The following PDZD4 variants were observed in gnomAD, a reference collection of about 807,000 sequenced individuals.
The protein encoded by PDZD4 is PDZ domain-containing protein 4.
PDZD4 carries 9 observed loss-of-function variants against 38.5 expected under a neutral mutation model. The observed-to-expected ratio is 0.23, with a 90% CI of 0.14 to 0.41. PDZD4 has a LOEUF of 0.41. Ranked by LOEUF, PDZD4 falls within the 10% of genes least tolerant of loss-of-function variation. The probability of loss-of-function intolerance (pLI) is 1.00; values close to 1 mark genes in which losing one functional copy is unlikely to be tolerated. For synonymous variants in PDZD4, 349 were observed against 315.7 expected (o/e 1.11, Z -1.12); for missense variants, 612 against 722.0 (o/e 0.85, Z 1.75).
chrX:153,812,157 C>T (rs782626552), intron 1 of PDZD4, among the ~76,000 whole-genome samples: 7 of 109,152 alleles, frequency 6.4e-5, no homozygotes, highest in African/African-American at 1.7e-4. Flanking sequence ...TCAGTGACAT[C>T]GCAGTGGTGG....
intron 1 of PDZD4, among the ~76,000 whole-genome samples, chrX:153,825,941 A>C (rs1475675758): frequency 8.9e-6 from 1 of 112,187 alleles, no homozygotes; most frequent in Non-Finnish European, 1.9e-5. Context: ...AAGGGCCAGG[A>C]ACGGTGGTTT....
chrX:153,830,230 C>T lies in PDZD4; in HGVS notation c.60+9G>A. On this transcript the variant is annotated intron_variant, in intron 1 of 7. Transcript: ENST00000393758. Reference sequence around the variant, plus strand: ...GGCCGCGCCCCCGCCGCAGCGCCGGCGGCCCTACCTGCAGCATCACTTTGT... The same window carrying T: ...GGCCGCGCCCCCGCCGCAGCGCCGGTGGCCCTACCTGCAGCATCACTTTGT... 1 of 1,191,415 alleles carries T rather than the reference C, an allele frequency of 8.4e-7. No individual in the cohort carries two copies. The highest frequency in any genetic ancestry group is 1.8e-5 in the African/African-American group (1 of 55,686).
At chrX:153,808,176 G>A in intron 2 of PDZD4, 166 bp downstream of exon 2, 22 of 1,072,193 alleles carry the variant, frequency 2.1e-5, no homozygotes, top group Non-Finnish European at 2.6e-5. Context: ...GCTGGAGCCC[G>A]GCCCAAGGCT....
rs782302318 is a variant in PDZD4, at chrX:153,806,037, C to T, written c.567+34G>A. ...GGCTGGGCCGACGGGCACAGCGGGG[C>T]CTTGGGCCAGGCCTGCAGCCTGCAA... On this transcript the variant is annotated intron_variant, in intron 5 of 7. Coordinates refer to ENST00000393758, the MANE Select transcript of PDZD4 (RefSeq NM_001303512.2). The T allele has an allele frequency of 2.0e-5, 24 of 1,206,895 alleles. No individual in the cohort carries two copies. The East Asian group carries it at 6.5e-4, about 33-fold the overall frequency.
intron 1 of PDZD4, among the ~76,000 whole-genome samples, chrX:153,812,210 G>A (rs1557078880): frequency 9.4e-6 from 1 of 106,673 alleles, no homozygotes; most frequent in African/African-American, 3.4e-5. Context: ...CAGGGAAATC[G>A]GCAAATGCTC....
rs2092177379 is a variant in PDZD4, at chrX:153,802,338, G to GCC, written c.*1013_*1014dup. 1 of 111,702 alleles carries GCC rather than the reference G, an allele frequency of 9.0e-6. No individual in the cohort carries two copies. Among genetic ancestry groups the GCC allele is most frequent in the African/African-American group, 3.3e-5 (1 of 30,742 alleles). 9.2% of individuals were successfully genotyped at this position (111,702 alleles called of 1,213,427 possible). ...GTTGGGGGCCTCTCCTTCCCAGTCA[G>GCC]CCCACCGCCTCTCACTGGGGTCCAG... is the stretch of plus-strand genomic sequence containing the variant. On this transcript the variant is annotated 3_prime_UTR_variant, in exon 8 of 8. Coordinates refer to ENST00000393758, the MANE Select transcript of PDZD4 (RefSeq NM_001303512.2).
In PDZD4 at chrX:153,830,539, A is replaced by C; in HGVS notation, c.-241T>G. 3 of 238,665 alleles carry C rather than the reference A, an allele frequency of 1.3e-5. No individual in the cohort carries two copies. Among genetic ancestry groups the C allele is most frequent in the Non-Finnish European group, 1.5e-5 (2 of 133,941 alleles). The allele number at this position is 238,665 out of a possible 1,213,427, so 19.7% of individuals were successfully genotyped here. ...CTCCCTCGCACCCGGCCAGGAGAAA[A>C]AGGGCAGCGGGGGATGGGCGGGCGC... On this transcript the variant is annotated 5_prime_UTR_variant, in exon 1 of 8. Transcript: ENST00000393758.
intron 1 of PDZD4, among the ~76,000 whole-genome samples, chrX:153,810,548 G>A (rs2064299379): frequency 8.8e-6 from 1 of 113,078 alleles, no homozygotes; most frequent in African/African-American, 3.2e-5. Context: ...CCCTGGGCAT[G>A]GGCGCAGGTG....
Position 153,803,211 on chromosome X carries a change from C to T in PDZD4, c.*142G>A, listed in dbSNP as rs781951950. 8.3e-6 allele frequency: 3 copies of T among 360,532 alleles called. No homozygotes were observed. Among genetic ancestry groups the T allele is most frequent in the African/African-American group, 8.0e-5 (3 of 37,273 alleles). 29.7% of individuals were successfully genotyped at this position (360,532 alleles called of 1,213,427 possible). A position where few individuals can be genotyped will look rare whatever the true frequency, so the allele number is the denominator to read the frequency against. On this transcript the variant is annotated 3_prime_UTR_variant, in exon 8 of 8. Coordinates refer to ENST00000393758, the MANE Select transcript of PDZD4 (RefSeq NM_001303512.2). ...CTCTCTGCTAACAAAGCCCTGTGCG[C>T]ACACCCAGACGAGGAGATGTGTGCG... is the stretch of plus-strand genomic sequence containing the variant.
Position 153,803,638 on chromosome X carries a change from G to A in PDZD4, c.2043C>T (p.Tyr681=). The change falls in exon 8 of 8, where the codon TAC becomes TAT. Residue 681 remains tyrosine (Y), a synonymous_variant. Transcript: ENST00000393758. The part of the protein sequence containing the change: ...DAVSEMKMGR[Y]WSKEERKQHL... ...GCTGCTTCCGCTCCTCCTTGCTCCA[G>A]TAGCGGCCCATCTTCATCTCGCTCA... The A allele has an allele frequency of 5.8e-6, 7 of 1,210,423 alleles. No homozygotes were observed. Among genetic ancestry groups the A allele is most frequent in the Non-Finnish European group, 7.8e-6 (7 of 895,567 alleles).
chrX:153,803,416 G>A lies in PDZD4; in HGVS notation c.2265C>T (p.His755=), dbSNP rs782413110. The A allele has an allele frequency of 2.6e-6, 3 of 1,145,445 alleles. No individual in the cohort carries two copies. The highest frequency in any genetic ancestry group is 3.5e-6 in the Non-Finnish European group (3 of 864,570). The allele number at this position is 1,145,445 out of a possible 1,213,427, so 94.4% of individuals were successfully genotyped here. Reference sequence around the variant, plus strand: ...GCTTGCCATCGGCGGAGCGCGCGCCGTGGGCCAGCATCTCCTGGATGGTGA... The same window carrying A: ...GCTTGCCATCGGCGGAGCGCGCGCCATGGGCCAGCATCTCCTGGATGGTGA... ...NWITIQEMLA[H]GARSADGKRV... Residue 755 remains histidine, a synonymous_variant, in exon 8 of 8, where the codon CAC becomes CAT. Transcript: ENST00000393758.
Position 153,829,898 on chromosome X carries a change from G to A in PDZD4, c.60+341C>T, listed in dbSNP as rs1208604736. 1.1e-5 allele frequency: 9 copies of A among 813,017 alleles called. No individual in the cohort carries two copies. In the East Asian group the frequency reaches 5.8e-4, roughly 53 times the overall value. 67.0% of individuals were successfully genotyped at this position (813,017 alleles called of 1,213,427 possible). On this transcript the variant is annotated intron_variant, in intron 1 of 7. Coordinates refer to ENST00000393758, the MANE Select transcript of PDZD4 (RefSeq NM_001303512.2). ...ATCTAGATTCGGCGCCCCCCGCACG[G>A]CGGGAGCCTGGCTCCCTCCCCCGCC...
At chrX:153,829,226 G>A (rs1180465784) in intron 1 of PDZD4, among the ~76,000 whole-genome samples, 1 of 30,904 alleles carries the variant, frequency 3.2e-5, no homozygotes, top group African/African-American at 1.3e-4. Flanking sequence ...CCCCCGCCCC[G>A]GAGTTCTCGC....
At chrX:153,807,421 A>C in intron 2 of PDZD4, 52 bp from the exon 3 acceptor site, 5 of 1,101,973 alleles carry the variant, frequency 4.5e-6, no homozygotes, top group African/African-American at 1.8e-5. Context: ...CTCACACCTC[A>C]GCCCCAGCTC....
At chrX:153,806,159 CT>C in intron 4 of PDZD4, 26 bp from the exon 5 acceptor site, 1 of 1,206,844 alleles carries the variant, frequency 8.3e-7, no homozygotes, top group Non-Finnish European at 1.1e-6. Context: ...ATCTTGGGGA[CT>C]TGGTGCCTAA....
At chrX:153,822,100 T>C (rs1198001573) in intron 1 of PDZD4, among the ~76,000 whole-genome samples, 4 of 105,859 alleles carry the variant, frequency 3.8e-5, no homozygotes, top group Non-Finnish European at 7.7e-5. Flanking sequence ...TGAGGCAGAA[T>C]TGCTTGAACC....
intron 1 of PDZD4, among the ~76,000 whole-genome samples, chrX:153,825,628 G>A (rs948856974): frequency 8.9e-6 from 1 of 112,445 alleles, no homozygotes; most frequent in Non-Finnish European, 1.9e-5. Flanking sequence ...ACACGAAAGT[G>A]CCTGTGACAA....
At chrX:153,806,490 C>T (rs139177373) in intron 4 of PDZD4, among the ~76,000 whole-genome samples, 4 of 112,885 alleles carry the variant, frequency 3.5e-5, no homozygotes, top group East Asian at 2.8e-4. Flanking sequence ...AAGATGGGTT[C>T]GGGAGAAGGC....
intron 1 of PDZD4, among the ~76,000 whole-genome samples, chrX:153,828,862 A>G (rs930752408): frequency 1.2e-4 from 13 of 111,547 alleles, no homozygotes; most frequent in Non-Finnish European, 1.9e-4. Context: ...GGAATCCAAC[A>G]CGGATTCCAC....
Sources: gnomAD v4.1 joint callset for allele counts (sites outside exome capture counted in the v4.1 genomes callset) on GRCh38, gnomAD v4.1.1 for gene constraint, MANE v1.5 for transcripts, NCBI Gene and HGNC (gene_info 2026-07-23, HGNC 2026-07-21) for gene names.